Variants in PURG observed in about 807,000 individuals in gnomAD.
PURG encodes the protein purine rich element binding protein G, also known as purine-rich element-binding protein gamma.
A neutral mutation model predicts 24.3 loss-of-function variants in PURG; 3 were observed. The ratio of observed to expected loss-of-function variants is 0.12; its 90% CI spans 0.06 to 0.32. PURG has a LOEUF of 0.32. Among genes scored for constraint, PURG ranks in the 10% least tolerant of loss-of-function variants. The pLI is 1.00. For synonymous variants in PURG, 180 were observed against 173.1 expected (o/e 1.04, Z -0.31); for missense variants, 371 against 439.1 (o/e 0.84, Z 1.39).
At chr8:31,000,189 TTACTC>T (rs781338047) in intron 1 of PURG, among the ~76,000 whole-genome samples, 3 of 152,104 alleles carry the variant, frequency 2.0e-5, no homozygotes, top group African/African-American at 4.8e-5. Context: ...TTCTATTTCT[TTACTC>T]TAAATAGAAA....
intron 1 of PURG, among the ~76,000 whole-genome samples, chr8:31,005,302 A>G (rs1464264201): frequency 1.3e-5 from 2 of 151,962 alleles, no homozygotes; most frequent in African/African-American, 4.8e-5. Context: ...GCGTGGTGGC[A>G]TGTGCCTGTA....
intron 1 of PURG, among the ~76,000 whole-genome samples, chr8:31,007,287 T>C (rs1334034506): frequency 6.6e-6 from 1 of 152,200 alleles, no homozygotes; most frequent in Non-Finnish European, 1.5e-5. Context: ...AGTATTAAGA[T>C]GGTGGTCTGG....
chr8:31,032,829 G>C lies in PURG; in HGVS notation c.-6-41C>G. The C allele has an allele frequency of 7.5e-7, 1 of 1,324,980 alleles. No individual in the cohort carries two copies. The highest frequency in any genetic ancestry group is 9.7e-7 in the Non-Finnish European group (1 of 1,032,180). The allele number at this position is 1,324,980 out of a possible 1,614,324, so 82.1% of individuals were successfully genotyped here. ...AGACACACGGGATGGGGTGGGGGAGGGGTGTTGAGAACAATCGCAGACGCC... is the reference window on the plus strand; with the variant it reads ...AGACACACGGGATGGGGTGGGGGAGCGGTGTTGAGAACAATCGCAGACGCC... On this transcript the variant is annotated intron_variant, in intron 1 of 1. Coordinates refer to ENST00000523392, the MANE Select transcript of PURG (RefSeq NM_001323311.2). The surrounding 1 kb of genome is among the most constrained non-coding windows in gnomAD (Gnocchi z 5.9).
downstream of PURG, among the ~76,000 whole-genome samples, chr8:31,027,138 T>A (rs1032940004): frequency 1.3e-5 from 2 of 151,728 alleles, no homozygotes. Context: ...TCTTTGAAAT[T>A]CAAGAAATAT....
In PURG at chr8:31,007,568, A is replaced by T. The variant is rs1172120997; in HGVS notation, c.865-10871T>A. Among the ~76,000 whole-genome samples the T allele has an allele frequency of 2.0e-5, 3 of 152,214 alleles. No homozygotes were observed. In the South Asian group the frequency reaches 6.2e-4, roughly 32 times the overall value. On this transcript the variant is annotated intron_variant, in intron 1 of 1. Coordinates refer to the PURG transcript ENST00000339382. ...AATCAGTGTAATAAGAAAAACAGACACTGAACAGTGGAAGTACCACTTAAT... is the reference window on the plus strand; with the variant it reads ...AATCAGTGTAATAAGAAAAACAGACTCTGAACAGTGGAAGTACCACTTAAT...
intron 1 of PURG, among the ~76,000 whole-genome samples, chr8:31,002,519 T>C (rs1810558309): frequency 6.6e-6 from 1 of 152,254 alleles, no homozygotes; most frequent in Non-Finnish European, 1.5e-5. Flanking sequence ...GGTCTCTCTC[T>C]GAAGCCCAGG....
intron 1 of PURG, among the ~76,000 whole-genome samples, chr8:30,999,918 C>T (rs756534128): frequency 4.0e-5 from 6 of 151,716 alleles, no homozygotes; most frequent in South Asian, 2.1e-4. Context: ...TTTGTTTAGG[C>T]GAATTTTAGT....
chr8:31,033,167 G>GCCCC lies in PURG; in HGVS notation c.-97_-96insGGGG. 4.9e-6 allele frequency: 1 copy of GCCCC among 204,368 alleles called. No homozygotes were observed. Among genetic ancestry groups the GCCCC allele is most frequent in the East Asian group, 1.0e-4 (1 of 9,872 alleles). The allele number at this position is 204,368 out of a possible 1,614,324, so 12.7% of individuals were successfully genotyped here. A position where few individuals can be genotyped will look rare whatever the true frequency, so the allele number is the denominator to read the frequency against. ...TCTCGGCCCCTCTGCTGCAGCCGCC[G>GCCCC]CAGCCGCCGCCCCCCGCCTCCTCCC... On this transcript the variant is annotated 5_prime_UTR_variant, in exon 1 of 2. An upstream open reading frame in the 5' UTR gains an earlier in-frame stop. Coordinates refer to ENST00000523392, the MANE Select transcript of PURG (RefSeq NM_001323311.2).
chr8:31,011,247 T>A (rs1447229108), intron 1 of PURG, among the ~76,000 whole-genome samples: 1 of 152,206 alleles, frequency 6.6e-6, no homozygotes, highest in Non-Finnish European at 1.5e-5. Context: ...ACTCCTTGCT[T>A]TCCTCATCTA....
chr8:31,001,926 C>A (rs924020908), intron 1 of PURG, among the ~76,000 whole-genome samples: 1 of 152,190 alleles, frequency 6.6e-6, no homozygotes, highest in Admixed American at 6.5e-5. Flanking sequence ...ACCAATGACA[C>A]AATTGACTAT....
chr8:30,998,516 T>C (rs1585349826), intron 1 of PURG, among the ~76,000 whole-genome samples: 1 of 151,796 alleles, frequency 6.6e-6, no homozygotes, highest in Non-Finnish European at 1.5e-5. Context: ...TGATAGCATA[T>C]GGAGTTATGT....
rs1450705644 is a variant in PURG at position 31,025,791 on chromosome 8, T to C, written c.864+6128A>G. On this transcript the variant is annotated intron_variant, in intron 1 of 1. Coordinates refer to the PURG transcript ENST00000339382. ...GCTTTGTTTATGTTTATAGGACTAG[T>C]AATAATGCTAACTTCATTAAAAAAT... 7.9e-5 allele frequency among the ~76,000 whole-genome samples: 12 copies of C among 151,944 alleles called. No homozygotes were observed. The East Asian group carries it at 1.7e-3, about 22-fold the overall frequency.
intron 1 of PURG, among the ~76,000 whole-genome samples, chr8:31,002,099 A>G (rs1810548368): frequency 6.6e-6 from 1 of 152,224 alleles, no homozygotes; most frequent in African/African-American, 2.4e-5. Context: ...ATGAATATGG[A>G]GACTATCAGA....
Position 31,015,979 on chromosome 8 carries a change from C to A in PURG, c.864+15940G>T, listed in dbSNP as rs1328345940. 2.0e-5 allele frequency among the ~76,000 whole-genome samples: 3 copies of A among 152,184 alleles called. No homozygotes were observed. In the East Asian group the frequency reaches 5.8e-4, roughly 29 times the overall value. On this transcript the variant is annotated intron_variant, in intron 1 of 1. Transcript: ENST00000339382. ...GAGGTGGGAGGACTGCTTGTGCCTG[C>A]CAAGTCGAGGCTGCAGTGAGCTGTG...
At chr8:31,022,307 G>A (rs1017593056) in intron 1 of PURG, among the ~76,000 whole-genome samples, 14 of 152,112 alleles carry the variant, frequency 9.2e-5, no homozygotes, top group South Asian at 2.1e-4. Flanking sequence ...AATCATGCTC[G>A]TCAAAAATAT....
Position 31,031,503 on chromosome 8 carries a change from G to C in PURG, c.*236C>G. The C allele has an allele frequency of 1.9e-6, 1 of 535,156 alleles. No individual in the cohort carries two copies. The highest frequency in any genetic ancestry group is 3.0e-5 in the East Asian group (1 of 33,308). The allele number at this position is 535,156 out of a possible 1,614,324, so 33.2% of individuals were successfully genotyped here. A position where few individuals can be genotyped will look rare whatever the true frequency, so the allele number is the denominator to read the frequency against. Reference sequence around the variant, plus strand: ...GCTGATTTGCATACTTCAATAGTCTGGAGCAGTTGAAGCAGCTAAACTATT... The same window carrying C: ...GCTGATTTGCATACTTCAATAGTCTCGAGCAGTTGAAGCAGCTAAACTATT... On this transcript the variant is annotated 3_prime_UTR_variant, in exon 2 of 2. Transcript: ENST00000523392.
chr8:31,010,447 A>C (rs1001444637), intron 1 of PURG, among the ~76,000 whole-genome samples: 1 of 152,250 alleles, frequency 6.6e-6, no homozygotes, highest in Non-Finnish European at 1.5e-5. Flanking sequence ...GGCCAAAACC[A>C]AGAGTTTACT....
rs191083895 is a variant in PURG, at chr8:31,011,285, C to T, written c.865-14588G>A. Among the ~76,000 whole-genome samples the T allele has an allele frequency of 5.9e-5, 9 of 152,304 alleles. No individual in the cohort carries two copies. In the East Asian group the frequency reaches 1.7e-3, roughly 29 times the overall value. On this transcript the variant is annotated intron_variant, in intron 1 of 1. Transcript: ENST00000339382. ...TGCCCCATCAACATACAGAAATCAT[C>T]GCAGTCTTTTACCATGGGCCTGAAT...
chr8:31,020,966 C>G (rs1446951203), intron 1 of PURG, among the ~76,000 whole-genome samples: 1 of 152,166 alleles, frequency 6.6e-6, no homozygotes, highest in East Asian at 1.9e-4. Context: ...TGTGGTTTAA[C>G]AAACCATCAA....
Sources: gnomAD v4.1 joint callset for allele counts (sites outside exome capture counted in the v4.1 genomes callset) on GRCh38, gnomAD v4.1.1 for gene constraint, Gnocchi (gnomAD v3.1) non-coding constraint, MANE v1.5 for transcripts, NCBI Gene and HGNC (gene_info 2026-07-23, HGNC 2026-07-21) for gene names.